The following CASQ2 variants were observed in gnomAD, a reference collection of about 807,000 sequenced individuals.
The protein encoded by CASQ2 is calsequestrin 2.
In CASQ2, 49 loss-of-function variants were observed where a neutral mutation model predicts 46.5. That is an observed-to-expected ratio of 1.05 (90% CI 0.84 to 1.34). The LOEUF (loss-of-function observed/expected upper bound fraction) is 1.34, where lower values mean the gene tolerates loss of function less well. CASQ2 is among the 40% of genes most tolerant of loss of function. The pLI is 0.00. For missense variants in CASQ2, 486 were observed against 481.3 expected (o/e 1.01, Z -0.09); for synonymous variants, 174 against 168.5 (o/e 1.03, Z -0.25).
chr1:115,731,138 C>A (rs1647767643), intron 5 of CASQ2, among the ~76,000 whole-genome samples: 1 of 152,224 alleles, frequency 6.6e-6, no homozygotes, highest in South Asian at 2.1e-4. Context: ...TACATGAACA[C>A]TGGCACTTAT....
Position 115,725,600 on chromosome 1 carries a change from G to T in CASQ2, c.738-47C>A, listed in dbSNP as rs1160511283. ...AAAAAAGAAAGAGCTTCCTTGAGTAGGGATCACTGTGGCAGACACAGCAGC... is the reference window on the plus strand; with the variant it reads ...AAAAAAGAAAGAGCTTCCTTGAGTATGGATCACTGTGGCAGACACAGCAGC... On this transcript the variant is annotated intron_variant, in intron 6 of 10. Transcript: ENST00000261448. 10 of 1,584,284 alleles carry T rather than the reference G, an allele frequency of 6.3e-6. No individual in the cohort carries two copies. In the South Asian group the frequency reaches 1.1e-4, roughly 18 times the overall value.
intron 1 of CASQ2, among the ~76,000 whole-genome samples, chr1:115,747,894 A>G (rs1343424894): frequency 2.0e-5 from 3 of 152,210 alleles, no homozygotes; most frequent in Non-Finnish European, 4.4e-5. Context: ...CAATTTTGTC[A>G]CCTGCTAATA....
chr1:115,755,358 G>T (rs1648722843), intron 1 of CASQ2, among the ~76,000 whole-genome samples: 1 of 152,006 alleles, frequency 6.6e-6, no homozygotes, highest in Non-Finnish European at 1.5e-5. Flanking sequence ...AACTCTCCTT[G>T]GGAAAAAGTT....
At chr1:115,753,764 G>A (rs1648662671) in intron 1 of CASQ2, among the ~76,000 whole-genome samples, 1 of 152,150 alleles carries the variant, frequency 6.6e-6, no homozygotes, top group Admixed American at 6.5e-5. Flanking sequence ...TGTCTTTGTA[G>A]AGGAGAAAGA....
At chr1:115,762,264 G>C (rs928438751) in intron 1 of CASQ2, among the ~76,000 whole-genome samples, 30 of 152,182 alleles carry the variant, frequency 2.0e-4, no homozygotes, top group African/African-American at 7.0e-4. Flanking sequence ...AATCTGGAAA[G>C]TATTGCTTGT....
intron 1 of CASQ2, among the ~76,000 whole-genome samples, chr1:115,746,766 A>T (rs1451031709): frequency 6.6e-6 from 1 of 151,856 alleles, no homozygotes; most frequent in South Asian, 2.1e-4. Context: ...TTTACTCTGT[A>T]TGTGTGTTAT....
intron 8 of CASQ2, among the ~76,000 whole-genome samples, chr1:115,717,153 A>G (rs141389007): frequency 1.3e-3 from 203 of 152,320 alleles, no homozygotes; most frequent in African/African-American, 4.6e-3. Flanking sequence ...CCAGAAGCAG[A>G]TACTGCCCTG....
rs1234520882 is a variant in CASQ2 at position 115,725,616 on chromosome 1, A to G, written c.738-63T>C. On this transcript the variant is annotated intron_variant, in intron 6 of 10. Transcript: ENST00000261448. The stretch of plus-strand genomic sequence containing the variant: ...CCTTGAGTAGGGATCACTGTGGCAG[A>G]CACAGCAGCCACAGCATTATGAAAT... 3 of 1,558,296 alleles carry G rather than the reference A, an allele frequency of 1.9e-6. No homozygotes were observed. In the African/African-American group the frequency reaches 4.1e-5, roughly 21 times the overall value.
chr1:115,751,958 C>T (rs1202763096), intron 1 of CASQ2, among the ~76,000 whole-genome samples: 2 of 152,150 alleles, frequency 1.3e-5, no homozygotes, highest in Non-Finnish European at 1.5e-5. Flanking sequence ...CAAGCTTATT[C>T]CTGGCTCAGG....
intron 1 of CASQ2, among the ~76,000 whole-genome samples, chr1:115,758,439 G>C (rs924946206): frequency 6.6e-6 from 1 of 152,174 alleles, no homozygotes; most frequent in Non-Finnish European, 1.5e-5. Context: ...TAGGTGCTGG[G>C]GTATAGCAAT....
chr1:115,764,780 T>A (rs1176116000), intron 1 of CASQ2, among the ~76,000 whole-genome samples: 3 of 152,164 alleles, frequency 2.0e-5, no homozygotes, highest in Non-Finnish European at 4.4e-5. Context: ...TGGTGTCATA[T>A]TACTTGCCTT....
intron 1 of CASQ2, among the ~76,000 whole-genome samples, chr1:115,760,936 C>T (rs1434450007): frequency 1.3e-5 from 2 of 152,166 alleles, no homozygotes. Flanking sequence ...TAAAACCTGA[C>T]TCTTTTATAC....
intron 3 of CASQ2, among the ~76,000 whole-genome samples, chr1:115,739,859 CT>C (rs1041434359): frequency 3.5e-4 from 54 of 152,360 alleles, no homozygotes; most frequent in African/African-American, 1.3e-3. Flanking sequence ...AAGCCTCCCC[CT>C]AGCTGATAAA....
At chr1:115,749,339 T>C (rs894551729) in intron 1 of CASQ2, among the ~76,000 whole-genome samples, 14 of 152,166 alleles carry the variant, frequency 9.2e-5, no homozygotes, top group African/African-American at 3.1e-4. Context: ...CTGGTTATCT[T>C]ATGGATATTT....
chr1:115,723,505 T>C (rs532096514), intron 7 of CASQ2, among the ~76,000 whole-genome samples: 1 of 152,184 alleles, frequency 6.6e-6, no homozygotes, highest in Non-Finnish European at 1.5e-5. Flanking sequence ...CACTATTATA[T>C]CTTTTTGCTA....
intron 8 of CASQ2, among the ~76,000 whole-genome samples, chr1:115,710,492 A>C (rs1654503739): frequency 6.6e-6 from 1 of 152,116 alleles, no homozygotes; most frequent in Non-Finnish European, 1.5e-5. Context: ...TCCTTCCTCG[A>C]GTGCTTGAGA....
intron 2 of CASQ2, among the ~76,000 whole-genome samples, chr1:115,743,647 G>T: frequency 6.6e-6 from 1 of 150,916 alleles, no homozygotes. Context: ...CAGGATAACG[G>T]ACTTTTATGT....
chr1:115,713,183 C>T (rs1331923820), intron 8 of CASQ2, among the ~76,000 whole-genome samples: 1 of 152,184 alleles, frequency 6.6e-6, no homozygotes, highest in Non-Finnish European at 1.5e-5. Context: ...AACCTTTCAT[C>T]ACATGTTATA....
intron 1 of CASQ2, among the ~76,000 whole-genome samples, chr1:115,755,231 C>T (rs1316207932): frequency 6.6e-6 from 1 of 152,202 alleles, no homozygotes; most frequent in Non-Finnish European, 1.5e-5. Flanking sequence ...ATTTGACTGA[C>T]ATGGGGCAAG....
Sources: allele counts gnomAD v4.1 joint callset (sites outside exome capture counted in the v4.1 genomes callset), GRCh38; gene constraint gnomAD v4.1.1; transcripts MANE v1.5; gene names NCBI Gene and HGNC (gene_info 2026-07-23, HGNC 2026-07-21).